Variants in PLEKHG1 observed in about 807,000 individuals in gnomAD.
PLEKHG1 encodes pleckstrin homology and RhoGEF domain containing G1.
A neutral mutation model predicts 100.8 loss-of-function variants in PLEKHG1; 44 were observed. The ratio of observed to expected loss-of-function variants is 0.44; its 90% CI spans 0.34 to 0.56. The LOEUF (loss-of-function observed/expected upper bound fraction) is 0.56. Among genes scored for constraint, PLEKHG1 ranks in the 20% least tolerant of loss-of-function variants. PLEKHG1 has a pLI of 0.01. For missense variants in PLEKHG1, 1,545 were observed against 1,720.9 expected (o/e 0.90, Z 1.81); for synonymous variants, 640 against 662.5 (o/e 0.97, Z 0.52).
chr6:150,834,519 T>G (rs543463685), intron 15 of PLEKHG1, among the ~76,000 whole-genome samples: 3 of 152,232 alleles, frequency 2.0e-5, no homozygotes, highest in Non-Finnish European at 2.9e-5. Flanking sequence ...TCTGTTAAAA[T>G]ACAAAGCTCC....
chr6:150,689,592 G>A (rs962751456), intron 3 of PLEKHG1, among the ~76,000 whole-genome samples: 1 of 152,174 alleles, frequency 6.6e-6, no homozygotes, highest in Non-Finnish European at 1.5e-5. Context: ...GCCGGGCATG[G>A]TGGCTCATGC....
intron 5 of PLEKHG1, among the ~76,000 whole-genome samples, chr6:150,797,395 G>A (rs2128660578): frequency 6.6e-6 from 1 of 152,264 alleles, no homozygotes; most frequent in African/African-American, 2.4e-5. Flanking sequence ...GTTGCTGCAT[G>A]TGGTGGTGTG....
At chr6:150,697,630 C>T (rs1235671065) in intron 3 of PLEKHG1, among the ~76,000 whole-genome samples, 2 of 152,200 alleles carry the variant, frequency 1.3e-5, no homozygotes, top group Non-Finnish European at 2.9e-5. Flanking sequence ...ATGGTCCCAG[C>T]AGGGGCATCA....
At chr6:150,791,383 TG>T (rs1307194263) in intron 4 of PLEKHG1, among the ~76,000 whole-genome samples, 2 of 152,034 alleles carry the variant, frequency 1.3e-5, no homozygotes, top group African/African-American at 4.8e-5. Flanking sequence ...CTTTGGAGGC[TG>T]GGAGCGGTGG....
chr6:150,724,550 T>C (rs956653937), intron 1 of PLEKHG1, among the ~76,000 whole-genome samples: 1 of 106,432 alleles, frequency 9.4e-6, no homozygotes, highest in Non-Finnish European at 1.7e-5. Context: ...CTTTTCTTTT[T>C]TCTTTTTCTT....
rs554380870 is a variant in PLEKHG1, at chr6:150,822,949, C to T, written c.1448-705C>T. Among the ~76,000 whole-genome samples the T allele has an allele frequency of 8.6e-4, 131 of 152,212 alleles. 1 individual carries two copies. Among genetic ancestry groups the T allele is most frequent in the African/African-American group, 3.0e-3 (125 of 41,526 alleles). On this transcript the variant is annotated intron_variant, in intron 13 of 15. Coordinates refer to ENST00000358517, the Ensembl canonical transcript of PLEKHG1. Reference sequence around the variant, plus strand: ...GAGCCGAGATTGTGCCACTGCGCTCCAGCCTGGATGACAGAGCGAGACTCC... The same window carrying T: ...GAGCCGAGATTGTGCCACTGCGCTCTAGCCTGGATGACAGAGCGAGACTCC...
intron 2 of PLEKHG1, among the ~76,000 whole-genome samples, chr6:150,749,946 C>G (rs888927709): frequency 2.6e-5 from 4 of 151,920 alleles, no homozygotes; most frequent in African/African-American, 9.7e-5. Flanking sequence ...GTGGCAGGTA[C>G]CTGTAGTCCC....
At chr6:150,736,543 C>T (rs952501824) in intron 2 of PLEKHG1, among the ~76,000 whole-genome samples, 3 of 152,148 alleles carry the variant, frequency 2.0e-5, no homozygotes, top group Admixed American at 2.0e-4. Flanking sequence ...CCGAGGCGGG[C>T]GGATCACCTG....
Position 150,600,530 on chromosome 6 carries a change from C to A in PLEKHG1, c.-204+513C>A, listed in dbSNP as rs1776301360. Among the ~76,000 whole-genome samples, 1 of 152,196 alleles carries A rather than the reference C, an allele frequency of 6.6e-6. No homozygotes were observed. Among genetic ancestry groups the A allele is most frequent in the Non-Finnish European group, 1.5e-5 (1 of 68,022 alleles). On this transcript the variant is annotated intron_variant, in intron 1 of 3. Coordinates refer to the PLEKHG1 transcript ENST00000367326. The surrounding 1 kb of genome is among the most constrained non-coding windows in gnomAD (Gnocchi z 6.2). ...GGGAGCCCGAGGACCCGGGGACGCGCGGTGGGGGCGGCGGCCGAGCTGCTG... is the reference window on the plus strand; with the variant it reads ...GGGAGCCCGAGGACCCGGGGACGCGAGGTGGGGGCGGCGGCCGAGCTGCTG...
At chr6:150,715,883 C>A (rs1214325679) in intron 3 of PLEKHG1, among the ~76,000 whole-genome samples, 2 of 147,202 alleles carry the variant, frequency 1.4e-5, no homozygotes, top group African/African-American at 2.5e-5. Flanking sequence ...CAGAGGCGGG[C>A]GGATCACGAG....
At chr6:150,833,609 A>G (rs1163009357) in intron 15 of PLEKHG1, among the ~76,000 whole-genome samples, 1 of 152,236 alleles carries the variant, frequency 6.6e-6, no homozygotes, top group East Asian at 1.9e-4. Flanking sequence ...TGATTGTCAT[A>G]GAAAGAAAAG....
chr6:150,637,714 AG>A (rs1469065884), intron 1 of PLEKHG1, among the ~76,000 whole-genome samples: 9 of 152,212 alleles, frequency 5.9e-5, no homozygotes, highest in African/African-American at 1.9e-4. Flanking sequence ...TGAACCATAT[AG>A]GACTTTTTGC....
intron 2 of PLEKHG1, among the ~76,000 whole-genome samples, chr6:150,766,709 C>T (rs917433257): frequency 5.9e-5 from 9 of 152,246 alleles, no homozygotes; most frequent in African/African-American, 1.7e-4. Context: ...TTGTTGGATG[C>T]TGGCCATGGT....
intron 13 of PLEKHG1, 91 bp from the exon 15 acceptor site, chr6:150,823,563 T>C: frequency 1.2e-6 from 1 of 858,514 alleles, no homozygotes; most frequent in Non-Finnish European, 1.9e-6. Context: ...TTACTAGTAA[T>C]AAGTTTCTAA....
At chr6:150,712,404 T>G (rs1440598478) in intron 3 of PLEKHG1, among the ~76,000 whole-genome samples, 1 of 152,164 alleles carries the variant, frequency 6.6e-6, no homozygotes, top group Non-Finnish European at 1.5e-5. Flanking sequence ...GTAAATTCAT[T>G]CTGTTCTTCT....
chr6:150,795,863 A>G, exon 5 of PLEKHG1: 1 of 1,598,988 alleles, frequency 6.3e-7, no homozygotes, highest in Non-Finnish European at 8.6e-7. Flanking sequence ...CAGAGTGAAG[A>G]GTTCCACATT....
intron 1 of PLEKHG1, chr6:150,721,263 G>C: frequency 1.4e-6 from 1 of 737,944 alleles, no homozygotes; most frequent in Non-Finnish European, 1.7e-6. Flanking sequence ...TTCCCTCTGG[G>C]AGCAGCCAGA....
At chr6:150,669,347 T>C (rs1779507793) in intron 3 of PLEKHG1, among the ~76,000 whole-genome samples, 1 of 152,104 alleles carries the variant, frequency 6.6e-6, no homozygotes, top group South Asian at 2.1e-4. Context: ...TGGTTTTTGA[T>C]TGCCTACCGA....
chr6:150,835,529 A>G (rs957148029), intron 15 of PLEKHG1, among the ~76,000 whole-genome samples: 1 of 152,216 alleles, frequency 6.6e-6, no homozygotes, highest in East Asian at 1.9e-4. Flanking sequence ...AAAAAAGGCA[A>G]TAAACCAGAG....
Sources: gnomAD v4.1 joint callset for allele counts (sites outside exome capture counted in the v4.1 genomes callset) on GRCh38, gnomAD v4.1.1 for gene constraint, Gnocchi (gnomAD v3.1) non-coding constraint, MANE v1.5 for transcripts, NCBI Gene and HGNC (gene_info 2026-07-23, HGNC 2026-07-21) for gene names.